The following VOPP1 variants were observed in gnomAD, a reference collection of about 807,000 sequenced individuals.
The protein encoded by VOPP1 is VOPP1 WW domain binding protein, also known as WW domain binding protein VOPP1.
VOPP1 carries 8 observed loss-of-function variants against 23.5 expected under a neutral mutation model. The ratio of observed to expected loss-of-function variants is 0.34; its 90% CI spans 0.20 to 0.61. The LOEUF is 0.61. VOPP1 is among the 20% of genes least tolerant of loss of function. VOPP1 has a pLI of 0.78. For missense variants in VOPP1, 174 were observed against 238.1 expected (o/e 0.73, Z 1.77); for synonymous variants, 83 against 97.3 (o/e 0.85, Z 0.86).
intron 1 of VOPP1, among the ~76,000 whole-genome samples, chr7:55,570,640 G>A (rs1798315920): frequency 6.6e-6 from 1 of 152,140 alleles, no homozygotes; most frequent in South Asian, 2.1e-4. Flanking sequence ...TTCATCAAGT[G>A]CCGATTAAAA....
At chr7:55,486,678 C>G (rs1793170601) in intron 4 of VOPP1, among the ~76,000 whole-genome samples, 1 of 152,196 alleles carries the variant, frequency 6.6e-6, no homozygotes, top group African/African-American at 2.4e-5. Flanking sequence ...CTTCTGCCAT[C>G]AGGGATGAAC....
At chr7:55,494,035 C>A (rs1793767047) in intron 3 of VOPP1, among the ~76,000 whole-genome samples, 1 of 152,012 alleles carries the variant, frequency 6.6e-6, no homozygotes, top group Non-Finnish European at 1.5e-5. Context: ...GGAAAGAACA[C>A]AGAGCAGGTA....
chr7:55,489,053 G>C (rs954865481), intron 4 of VOPP1, among the ~76,000 whole-genome samples: 6 of 152,226 alleles, frequency 3.9e-5, no homozygotes, highest in Non-Finnish European at 4.4e-5. Flanking sequence ...CACCCTCAGG[G>C]GAGGCAGGTG....
chr7:55,510,590 T>TC (rs1157662430), intron 2 of VOPP1, among the ~76,000 whole-genome samples: 1 of 149,992 alleles, frequency 6.7e-6, no homozygotes, highest in Non-Finnish European at 1.5e-5. Context: ...TTTTTTTTTT[T>TC]AGCTTTTAAT....
intron 1 of VOPP1, among the ~76,000 whole-genome samples, chr7:55,549,910 T>C (rs1797532438): frequency 6.6e-6 from 1 of 152,190 alleles, no homozygotes; most frequent in Non-Finnish European, 1.5e-5. Flanking sequence ...AAAAGACTTT[T>C]TCCCACCCCC....
chr7:55,449,432 G>A (rs1172196131), intron 4 of VOPP1, among the ~76,000 whole-genome samples: 5 of 152,206 alleles, frequency 3.3e-5, no homozygotes, highest in African/African-American at 4.8e-5. Flanking sequence ...ATCGCTTCGG[G>A]GCCTGCCGGT....
chr7:55,525,793 A>G (rs1378075569), intron 1 of VOPP1, among the ~76,000 whole-genome samples: 1 of 90,468 alleles, frequency 1.1e-5, no homozygotes, highest in African/African-American at 6.0e-5. Flanking sequence ...CCTCTCTAAA[A>G]AAAAAAAAAA....
At position 55,445,190 on chromosome 7, in the gene VOPP1, TCTCA is replaced by T. The variant is rs1263195910; in HGVS notation, n.418-9020_418-9017del. Among the ~76,000 whole-genome samples, 5 of 150,874 alleles carry T rather than the reference TCTCA, an allele frequency of 3.3e-5. No homozygotes were observed. The East Asian group carries it at 9.7e-4, about 29-fold the overall frequency. ...CGTGTGCTCTTTCTTTTGCTCTCTC[TCTCA>T]CTTTCTCTACACACACACACAGACA... On this transcript the variant is annotated intron_variant and non_coding_transcript_variant, in intron 4 of 4. Transcript: ENST00000462326.
intron 4 of VOPP1, among the ~76,000 whole-genome samples, chr7:55,450,564 T>C (rs961742848): frequency 6.6e-6 from 1 of 152,262 alleles, no homozygotes; most frequent in East Asian, 1.9e-4. Flanking sequence ...CATGTTGAAA[T>C]AATACTTTGA....
chr7:55,518,024 G>A (rs914803378), intron 2 of VOPP1, among the ~76,000 whole-genome samples: 1 of 152,220 alleles, frequency 6.6e-6, no homozygotes, highest in Non-Finnish European at 1.5e-5. Context: ...GTGCAGGGAA[G>A]TGGCACACTG....
chr7:55,510,152 A>G (rs1233208894), intron 2 of VOPP1, among the ~76,000 whole-genome samples: 4 of 152,194 alleles, frequency 2.6e-5, no homozygotes, highest in East Asian at 1.9e-4. Flanking sequence ...TCAAAATTAC[A>G]AAGTTTTCCA....
intron 1 of VOPP1, among the ~76,000 whole-genome samples, chr7:55,563,874 A>C: frequency 6.6e-6 from 1 of 152,228 alleles, no homozygotes; most frequent in East Asian, 1.9e-4. Flanking sequence ...ATAGCTTTTG[A>C]AAATTCCCTA....
chr7:55,545,531 T>C (rs1431634725), intron 1 of VOPP1, among the ~76,000 whole-genome samples: 1 of 152,242 alleles, frequency 6.6e-6, no homozygotes, highest in Non-Finnish European at 1.5e-5. Flanking sequence ...CCAGTATGCA[T>C]GGCTGAATTC....
At chr7:55,535,059 T>C (rs138889197) in intron 1 of VOPP1, among the ~76,000 whole-genome samples, 1,672 of 152,292 alleles carry the variant, frequency 0.011, 11 homozygotes, top group Middle Eastern at 0.02. Flanking sequence ...CACATCCAAG[T>C]CTGGCCGCAT....
chr7:55,510,761 T>C (rs562784938), intron 2 of VOPP1, among the ~76,000 whole-genome samples: 12 of 151,944 alleles, frequency 7.9e-5, no homozygotes, highest in African/African-American at 1.9e-4. Context: ...TCCCATCTCA[T>C]CTCCTGCCAT....
intron 4 of VOPP1, among the ~76,000 whole-genome samples, chr7:55,480,809 GACTGAATTCTC>G (rs750359099): frequency 6.6e-6 from 1 of 152,214 alleles, no homozygotes; most frequent in Non-Finnish European, 1.5e-5. Context: ...GTTCAACAAA[GACTGAATTCTC>G]ACTGAGTGCC....
At chr7:55,559,603 C>T (rs1009598830) in intron 1 of VOPP1, among the ~76,000 whole-genome samples, 1 of 152,202 alleles carries the variant, frequency 6.6e-6, no homozygotes, top group South Asian at 2.1e-4. Context: ...TCCCTATCTG[C>T]GATTTAACTT....
At chr7:55,446,390 G>A (rs1464261273) in intron 4 of VOPP1, among the ~76,000 whole-genome samples, 1 of 152,180 alleles carries the variant, frequency 6.6e-6, no homozygotes, top group African/African-American at 2.4e-5. Flanking sequence ...TGTGTGCCCT[G>A]AGGGACTACT....
chr7:55,485,682 C>T (rs757439464), intron 4 of VOPP1, among the ~76,000 whole-genome samples: 40 of 152,210 alleles, frequency 2.6e-4, no homozygotes, highest in African/African-American at 7.0e-4. Flanking sequence ...CCACACAGGG[C>T]GCCCGCACAC....
Sources: allele counts gnomAD v4.1 joint callset (sites outside exome capture counted in the v4.1 genomes callset), GRCh38; gene constraint gnomAD v4.1.1; transcripts MANE v1.5; gene names NCBI Gene and HGNC (gene_info 2026-07-23, HGNC 2026-07-21).